Variants in SP2 observed in about 807,000 individuals in gnomAD.
SP2 encodes Sp2 transcription factor.
Under a neutral mutation model 50.1 loss-of-function variants are expected in SP2, and 9 were observed. The ratio of observed to expected loss-of-function variants is 0.18; its 90% CI spans 0.11 to 0.31. SP2 has a LOEUF of 0.31. Among genes scored for constraint, SP2 ranks in the 10% least tolerant of loss-of-function variants. The pLI, the probability that SP2 is intolerant of heterozygous loss-of-function variation, is 1.00. For synonymous variants in SP2, 313 were observed against 326.6 expected, an observed-to-expected ratio of 0.96 and a Z score of 0.45; for missense variants, 581 against 806.5, an observed-to-expected ratio of 0.72 and a Z score of 3.39.
intron 1 of SP2, among the ~76,000 whole-genome samples, chr17:47,902,288 G>T (rs1598101572): frequency 6.6e-6 from 1 of 152,342 alleles, no homozygotes. Context: ...GACAGGGCAG[G>T]TGAAAGAGGT....
chr17:47,911,294 C>T (rs1007148848), intron 1 of SP2, among the ~76,000 whole-genome samples: 8 of 152,072 alleles, frequency 5.3e-5, no homozygotes, highest in African/African-American at 1.7e-4. Flanking sequence ...GTAATCCCAG[C>T]GCTTTGGGAG....
At chr17:47,907,403 C>G (rs530843711) in intron 1 of SP2, among the ~76,000 whole-genome samples, 13 of 152,286 alleles carry the variant, frequency 8.5e-5, no homozygotes, top group African/African-American at 3.1e-4. Flanking sequence ...GCAACCCCAT[C>G]CCTATGCCAT....
At chr17:47,905,576 A>G (rs2034724669) in intron 1 of SP2, among the ~76,000 whole-genome samples, 1 of 152,212 alleles carries the variant, frequency 6.6e-6, no homozygotes, top group African/African-American at 2.4e-5. Context: ...GCTGGGTCTC[A>G]AGAGTAGCAT....
rs1025435740 is a variant in SP2, at chr17:47,923,144, G to A, written c.1242G>A (p.Lys414=). ...AILRKERPLP[K]IAPAGSIISL... ...TCCGAAAAGAGCGTCCCCTGCCAAA[G>A]ATTGCCCCAGCCGGGAGCATCATCA... Residue 414 remains lysine, a synonymous_variant, in exon 4 of 7, where the codon AAG becomes AAA. Transcript: ENST00000376741. The A allele has an allele frequency of 5.0e-6, 8 of 1,614,130 alleles. No individual in the cohort carries two copies. The African/African-American group carries it at 8.0e-5, about 16-fold the overall frequency.
At position 47,920,574 on chromosome 17, in the gene SP2, C is replaced by G. The variant is rs145856062; in HGVS notation, c.1060-2388C>G. ...GTGCTGGGATTACAGGCATGAGCCACCGCACCCGGCCAATTTTTGTATTTT... is the reference window on the plus strand; with the variant it reads ...GTGCTGGGATTACAGGCATGAGCCAGCGCACCCGGCCAATTTTTGTATTTT... On this transcript the variant is annotated intron_variant, in intron 3 of 6. Coordinates refer to ENST00000376741, the MANE Select transcript of SP2 (RefSeq NM_003110.6). Among the ~76,000 whole-genome samples, 1,417 of 152,224 alleles carry G rather than the reference C, an allele frequency of 9.3e-3. 18 individuals are homozygous for G. Among genetic ancestry groups the G allele is most frequent in the African/African-American group, 0.03 (1,241 of 41,510 alleles).
At chr17:47,904,806 G>A (rs944484478) in intron 1 of SP2, among the ~76,000 whole-genome samples, 12 of 152,090 alleles carry the variant, frequency 7.9e-5, no homozygotes, top group Non-Finnish European at 1.8e-4. Context: ...GTCTCACTCT[G>A]TCATTCAGGC....
In SP2 at chr17:47,916,727, T is replaced by A. The variant is rs765267530; in HGVS notation, c.656T>A (p.Leu219His). 3.7e-6 allele frequency: 6 copies of A among 1,613,028 alleles called. No individual in the cohort carries two copies. Among genetic ancestry groups the A allele is most frequent in the African/African-American group, 1.3e-5 (1 of 74,856 alleles). ...ACGCTCACTCTGCCCGTCAACAACC[T>A]TGTGAACGCCAGTGACACCGGGGCC... ...NVTLTLPVNN[L>H]VNASDTGAPT... The change falls in exon 3 of 7, where the codon CTT (leucine) becomes CAT (histidine). Residue 219 changes from leucine to histidine, a missense_variant. This residue lies in a region of SP2 where 397 missense variants were observed against 491.0 expected (regional missense o/e 0.81). Coordinates refer to ENST00000376741, the MANE Select transcript of SP2 (RefSeq NM_003110.6). This position sits in a 1 kb window ranked among gnomAD's most constrained non-coding sequence, Gnocchi z 4.7.
chr17:47,926,315 GTT>G (rs71366809), intron 6 of SP2, among the ~76,000 whole-genome samples: 3 of 140,120 alleles, frequency 2.1e-5, no homozygotes, highest in Admixed American at 7.1e-5. Context: ...ATGGCTTTTT[GTT>G]TTTTTTTTTT....
Position 47,916,734 on chromosome 17 carries a change from C to T in SP2, c.663C>T (p.Asn221=), listed in dbSNP as rs1011770164. ...CTCTGCCCGTCAACAACCTTGTGAA[C>T]GCCAGTGACACCGGGGCCCCTACTC... The part of the protein sequence containing the change: ...TLTLPVNNLV[N]ASDTGAPTQL... Residue 221 remains asparagine, a synonymous_variant, in exon 3 of 7, where the codon AAC becomes AAT. Transcript: ENST00000376741. The surrounding 1 kb of genome is among the most constrained non-coding windows in gnomAD (Gnocchi z 4.7). The T allele has an allele frequency of 8.7e-6, 14 of 1,612,784 alleles. No individual in the cohort carries two copies. The highest frequency in any genetic ancestry group is 8.3e-5 in the Admixed American group (5 of 59,920).
chr17:47,913,223 G>T (rs966771348), intron 1 of SP2, among the ~76,000 whole-genome samples: 13 of 146,042 alleles, frequency 8.9e-5, no homozygotes, highest in Admixed American at 2.7e-4. Context: ...CTTTTTGTTT[G>T]TTTTTTTTTT....
At chr17:47,915,416 T>C (rs1170195243) in intron 2 of SP2, 28 bp downstream of exon 2, 4 of 1,531,584 alleles carry the variant, frequency 2.6e-6, no homozygotes, top group Non-Finnish European at 3.6e-6. Flanking sequence ...TCCGAGGGCT[T>C]GGGGCTGCAG....
At chr17:47,918,586 A>G (rs1166711715) in intron 3 of SP2, 1 of 152,200 alleles carries the variant, frequency 6.6e-6, no homozygotes, top group Non-Finnish European at 1.5e-5. Flanking sequence ...GGAAATAATG[A>G]TACATATGCA....
chr17:47,921,503 T>C (rs1431839181), intron 3 of SP2, among the ~76,000 whole-genome samples: 1 of 152,118 alleles, frequency 6.6e-6, no homozygotes, highest in African/African-American at 2.4e-5. Context: ...CCGCCTGCCT[T>C]GGCCTCCCAA....
chr17:47,913,321 T>C (rs2035064624), intron 1 of SP2, among the ~76,000 whole-genome samples: 1 of 152,102 alleles, frequency 6.6e-6, no homozygotes, highest in South Asian at 2.1e-4. Flanking sequence ...CTCAAATTCC[T>C]GGCCTCAAGT....
downstream of SP2, among the ~76,000 whole-genome samples, chr17:47,930,854 T>G (rs953817044): frequency 6.6e-6 from 1 of 152,282 alleles, no homozygotes; most frequent in East Asian, 1.9e-4. Context: ...CCTTCCTCTC[T>G]GTCCAGCTGA....
chr17:47,913,913 T>G (rs895441073), intron 1 of SP2, among the ~76,000 whole-genome samples: 1 of 152,234 alleles, frequency 6.6e-6, no homozygotes, highest in Non-Finnish European at 1.5e-5. Flanking sequence ...CCTATTTGAT[T>G]ATATTCATAT....
At chr17:47,900,191 C>T (rs1201344213) in intron 1 of SP2, 1 of 152,242 alleles carries the variant, frequency 6.6e-6, no homozygotes, top group Non-Finnish European at 1.5e-5. Flanking sequence ...CTAGCGTACA[C>T]ATTTCCAAAT....
chr17:47,913,600 G>T (rs966877448), intron 1 of SP2, among the ~76,000 whole-genome samples: 1 of 152,074 alleles, frequency 6.6e-6, no homozygotes, highest in Admixed American at 6.6e-5. Context: ...TAGGGACGGG[G>T]TCTAACTGTG....
At chr17:47,903,206 T>C (rs1037277518) in intron 1 of SP2, among the ~76,000 whole-genome samples, 6 of 152,158 alleles carry the variant, frequency 3.9e-5, no homozygotes, top group Non-Finnish European at 5.9e-5. Flanking sequence ...CTAGACAAAA[T>C]CAGCTAGGAA....
Sources: allele counts gnomAD v4.1 joint callset (sites outside exome capture counted in the v4.1 genomes callset), GRCh38; gene constraint gnomAD v4.1.1; regional missense constraint gnomAD v4.1.1; non-coding constraint Gnocchi (gnomAD v3.1); transcripts MANE v1.5; gene names NCBI Gene and HGNC (gene_info 2026-07-23, HGNC 2026-07-21).